Variants in SASH1 observed in about 807,000 individuals in gnomAD.
The protein encoded by SASH1 is SAM and SH3 domain-containing protein 1.
In SASH1, 44 loss-of-function variants were observed where a neutral mutation model predicts 125.2. The ratio of observed to expected loss-of-function variants is 0.35; its 90% CI spans 0.28 to 0.45. The LOEUF is 0.45. Among genes scored for constraint, SASH1 ranks in the 20% least tolerant of loss-of-function variants. The probability of loss-of-function intolerance (pLI) is 1.00; values close to 1 mark genes in which losing one functional copy is unlikely to be tolerated. For synonymous variants in SASH1, 639 were observed against 649.1 expected, an observed-to-expected ratio of 0.98 and a Z score of 0.24; for missense variants, 1,426 against 1,614.5, an observed-to-expected ratio of 0.88 and a Z score of 2.00.
chr6:148,273,296 C>CT (rs758727802), intron 1 of SASH1, among the ~76,000 whole-genome samples: 32,668 of 134,472 alleles, frequency 0.24, 4,376 homozygotes, highest in East Asian at 0.38. Flanking sequence ...TTCTTTCTTT[C>CT]TTTTTTTTTT....
At chr6:148,322,865 ATCTTTCTT>A (rs142620816) in intron 1 of SASH1, among the ~76,000 whole-genome samples, 1 of 143,126 alleles carries the variant, frequency 7.0e-6, no homozygotes, top group African/African-American at 2.5e-5. Context: ...CATCCAAATC[ATCTTTCTT>A]TCTTTCTTTC....
chr6:148,446,257 C>T (rs938016583), intron 4 of SASH1, among the ~76,000 whole-genome samples: 14 of 151,754 alleles, frequency 9.2e-5, no homozygotes, highest in South Asian at 2.1e-4. Context: ...TACAGGTGCC[C>T]GCCATCATGC....
chr6:148,532,897 C>T lies in SASH1; in HGVS notation c.1665C>T (p.Phe555=), dbSNP rs1387883153. The T allele has an allele frequency of 1.9e-6, 3 of 1,614,122 alleles. No homozygotes were observed. ...DDEEPPYRGP[F]CGRARVHTDF... ...AAGAGCCGCCTTACCGAGGCCCGTT[C>T]TGCGGGCGTGCCAGGGTGCACACCG... Residue 555 remains phenylalanine, a synonymous_variant, in exon 14 of 20, where the codon TTC becomes TTT. Transcript: ENST00000367467. This position sits in a 1 kb window ranked among gnomAD's most constrained non-coding sequence, Gnocchi z 4.7.
intron 1 of SASH1, among the ~76,000 whole-genome samples, chr6:148,366,137 T>C (rs78192855): frequency 2.6e-5 from 4 of 151,046 alleles, no homozygotes; most frequent in Admixed American, 1.3e-4. Flanking sequence ...AAAAAAAAAT[T>C]AGCCAGGCAT....
chr6:148,496,039 G>T (rs1183705182), intron 8 of SASH1, among the ~76,000 whole-genome samples: 1 of 151,736 alleles, frequency 6.6e-6, no homozygotes, highest in Non-Finnish European at 1.5e-5. Flanking sequence ...GTAGAGACAG[G>T]GTTTCACCAT....
intron 1 of SASH1, among the ~76,000 whole-genome samples, chr6:148,298,897 G>GA (rs1291415705): frequency 3.8e-4 from 57 of 151,176 alleles, no homozygotes; most frequent in Non-Finnish European, 6.6e-4. Flanking sequence ...GGGAGGGAAG[G>GA]AAGAAAGGAA....
intron 4 of SASH1, among the ~76,000 whole-genome samples, chr6:148,452,123 CATT>C (rs1349998450): frequency 6.6e-6 from 1 of 152,200 alleles, no homozygotes; most frequent in Non-Finnish European, 1.5e-5. Flanking sequence ...CTGGAGCCAT[CATT>C]ATTTGTTTTT....
chr6:148,327,271 C>G (rs1780855214), intron 1 of SASH1, among the ~76,000 whole-genome samples: 1 of 150,002 alleles, frequency 6.7e-6, no homozygotes, highest in Non-Finnish European at 1.5e-5. Context: ...ATGAATGACA[C>G]ATACAATATA....
At chr6:148,208,622 C>T in the SASH1 span, among the ~76,000 whole-genome samples, 1 of 152,188 alleles carries the variant, frequency 6.6e-6, no homozygotes, top group Non-Finnish European at 1.5e-5. Context: ...TAAACTTTTG[C>T]TTCCCTGCCC....
At chr6:148,449,385 CT>C (rs1776981797) in intron 4 of SASH1, among the ~76,000 whole-genome samples, 1 of 127,392 alleles carries the variant, frequency 7.8e-6, no homozygotes, top group South Asian at 2.6e-4. Context: ...TGGCTAATTT[CT>C]TTCTTTTTTT....
At chr6:148,346,274 G>A (rs549367815) in intron 1 of SASH1, among the ~76,000 whole-genome samples, 2 of 152,140 alleles carry the variant, frequency 1.3e-5, no homozygotes, top group Non-Finnish European at 2.9e-5. Flanking sequence ...GGTTGTTTGA[G>A]TTCATTAGGA....
At chr6:148,243,075 G>A in the SASH1 span, among the ~76,000 whole-genome samples, 1 of 152,146 alleles carries the variant, frequency 6.6e-6, no homozygotes, top group African/African-American at 2.4e-5. Context: ...CAGCACTTTG[G>A]GAGGCTGAGA....
intron 1 of SASH1, among the ~76,000 whole-genome samples, chr6:148,336,039 T>G (rs1781143325): frequency 6.6e-6 from 1 of 152,052 alleles, no homozygotes. Context: ...ACCTCACAAC[T>G]GTATCAAATA....
chr6:148,290,703 C>T, intron 1 of SASH1, among the ~76,000 whole-genome samples: 1 of 144,722 alleles, frequency 6.9e-6, no homozygotes. Context: ...TCCCTAATCT[C>T]AAGTACCCAG....
rs183098215 is a variant in SASH1, at chr6:148,282,187, G to A, written n.74+9810G>A. Among the ~76,000 whole-genome samples the A allele has an allele frequency of 7.9e-4, 121 of 152,216 alleles. No individual in the cohort carries two copies. The South Asian group carries it at 0.011, about 14-fold the overall frequency. ...GCTACAGTCAGCCAGTGGCTGAGCC[G>A]GGCAGGAAACTGGCATGGCCATTCC... On this transcript the variant is annotated intron_variant and non_coding_transcript_variant, in intron 1 of 3. Coordinates refer to the SASH1 transcript ENST00000367469.
At chr6:148,259,830 T>C in the SASH1 span, among the ~76,000 whole-genome samples, 1 of 152,172 alleles carries the variant, frequency 6.6e-6, no homozygotes, top group South Asian at 2.1e-4. Context: ...ACTAAGGTGA[T>C]TTTTGTCATT....
intron 1 of SASH1, among the ~76,000 whole-genome samples, chr6:148,314,399 C>T (rs1780423852): frequency 6.6e-6 from 1 of 152,154 alleles, no homozygotes; most frequent in African/African-American, 2.4e-5. Context: ...AGGTTCCCTT[C>T]AATCATTCAG....
In SASH1 at chr6:148,347,938, A is replaced by T. The variant is rs1465507340; in HGVS notation, c.156+4715A>T. ...GGGTAACAGAGAGGAGGCAGAACTC[A>T]GGCGTCTGGATGTTCACTTCTTTGG... is the stretch of plus-strand genomic sequence containing the variant. On this transcript the variant is annotated intron_variant, in intron 1 of 19. Transcript: ENST00000367467. Among the ~76,000 whole-genome samples, 10 of 152,328 alleles carry T rather than the reference A, an allele frequency of 6.6e-5. No individual in the cohort carries two copies. In the East Asian group the frequency reaches 1.5e-3, roughly 23 times the overall value.
In SASH1 at chr6:148,548,777, A is replaced by G. The variant is rs1782722009; in HGVS notation, c.*219A>G. 2 of 486,028 alleles carry G rather than the reference A, an allele frequency of 4.1e-6. No individual in the cohort carries two copies. The allele number at this position is 486,028 out of a possible 1,614,324, so 30.1% of individuals were successfully genotyped here. The stretch of plus-strand genomic sequence containing the variant: ...ATTAGTGCGGTTCTCTTTGACCCCC[A>G]AAGACAAGACAAGCACTTATTTTTA... On this transcript the variant is annotated 3_prime_UTR_variant, in exon 20 of 20. Coordinates refer to ENST00000367467, the MANE Select transcript of SASH1 (RefSeq NM_015278.5).
Sources: gnomAD v4.1 joint callset for allele counts (sites outside exome capture counted in the v4.1 genomes callset) on GRCh38, gnomAD v4.1.1 for gene constraint, Gnocchi (gnomAD v3.1) non-coding constraint, MANE v1.5 for transcripts, NCBI Gene and HGNC (gene_info 2026-07-23, HGNC 2026-07-21) for gene names.